Variants in PPM1H observed in about 807,000 individuals in gnomAD.
PPM1H encodes the protein protein phosphatase 1H.
PPM1H carries 27 observed loss-of-function variants against 54.9 expected under a neutral mutation model. The observed-to-expected ratio is 0.49, with a 90% CI of 0.36 to 0.68. PPM1H has a LOEUF of 0.68. PPM1H is among the 30% of genes least tolerant of loss of function. PPM1H has a pLI of 0.00. For synonymous variants in PPM1H, 305 were observed against 270.8 expected, an observed-to-expected ratio of 1.13 and a Z score of -1.24; for missense variants, 596 against 667.8, an observed-to-expected ratio of 0.89 and a Z score of 1.19.
intron 1 of PPM1H, among the ~76,000 whole-genome samples, chr12:62,886,557 A>G (rs1396092210): frequency 2.0e-5 from 3 of 152,228 alleles, no homozygotes; most frequent in Non-Finnish European, 1.5e-5. Flanking sequence ...CTATGAATGC[A>G]TAAGACCTTA....
At chr12:62,654,027 G>T (rs1013863660) in intron 9 of PPM1H, among the ~76,000 whole-genome samples, 1 of 151,868 alleles carries the variant, frequency 6.6e-6, no homozygotes, top group Non-Finnish European at 1.5e-5. Flanking sequence ...GGATTAACTC[G>T]GGCCCAGGAG....
chr12:62,669,061 A>C (rs954437166), intron 8 of PPM1H, among the ~76,000 whole-genome samples: 2 of 152,244 alleles, frequency 1.3e-5, no homozygotes, highest in Admixed American at 6.5e-5. Flanking sequence ...CGCTCAAGGG[A>C]GGAACACTCA....
chr12:62,905,573 A>G (rs1390578457), intron 1 of PPM1H, among the ~76,000 whole-genome samples: 1 of 152,242 alleles, frequency 6.6e-6, no homozygotes, highest in Non-Finnish European at 1.5e-5. Flanking sequence ...TAAATGGAAG[A>G]GTGCTAGGTG....
At chr12:62,693,051 A>G (rs112500283) in intron 7 of PPM1H, among the ~76,000 whole-genome samples, 5 of 152,130 alleles carry the variant, frequency 3.3e-5, no homozygotes, top group African/African-American at 1.2e-4. Flanking sequence ...AAAAATTATC[A>G]GTTGAAGACT....
intron 1 of PPM1H, among the ~76,000 whole-genome samples, chr12:62,849,561 A>G (rs1333482696): frequency 6.6e-6 from 1 of 152,162 alleles, no homozygotes; most frequent in African/African-American, 2.4e-5. Context: ...AGGGTCCACT[A>G]GTATCATACA....
intron 6 of PPM1H, among the ~76,000 whole-genome samples, chr12:62,714,175 G>C (rs1002334400): frequency 1.3e-5 from 2 of 152,084 alleles, no homozygotes; most frequent in Non-Finnish European, 2.9e-5. Flanking sequence ...GCCACATGTG[G>C]CTACTGAGCA....
intron 6 of PPM1H, among the ~76,000 whole-genome samples, chr12:62,705,778 C>A (rs1592553867): frequency 6.6e-6 from 1 of 152,158 alleles, no homozygotes; most frequent in East Asian, 1.9e-4. Flanking sequence ...TCTCAGAGAC[C>A]ATTTATTCTG....
At chr12:62,804,863 G>C (rs2076796993) in intron 2 of PPM1H, among the ~76,000 whole-genome samples, 1 of 151,118 alleles carries the variant, frequency 6.6e-6, no homozygotes, top group African/African-American at 2.4e-5. Flanking sequence ...TTTTAGTAGA[G>C]ACGGGGTTTC....
chr12:62,813,160 T>C lies in PPM1H; in HGVS notation c.412-11000A>G, dbSNP rs117611266. 2.0e-3 allele frequency among the ~76,000 whole-genome samples: 301 copies of C among 152,170 alleles called. 3 individuals carry two copies. Among genetic ancestry groups the C allele is most frequent in the Middle Eastern group, 6.8e-3 (2 of 292 alleles). On this transcript the variant is annotated intron_variant, in intron 2 of 9. Coordinates refer to ENST00000228705, the MANE Select transcript of PPM1H (RefSeq NM_020700.2). ...CGTTTCCTGTGGAGACCAACAGAAA[T>C]ACCCAGATGTAGGAGAGGAAATACA...
chr12:62,892,518 T>C (rs1371502473), intron 1 of PPM1H, among the ~76,000 whole-genome samples: 1 of 152,248 alleles, frequency 6.6e-6, no homozygotes, highest in African/African-American at 2.4e-5. Flanking sequence ...AAAAATTTGC[T>C]TCACTAATCC....
chr12:62,735,983 G>A (rs2076347593), intron 5 of PPM1H, among the ~76,000 whole-genome samples: 1 of 152,164 alleles, frequency 6.6e-6, no homozygotes, highest in South Asian at 2.1e-4. Context: ...GATAGGACTG[G>A]AGATGTGGGC....
At chr12:62,825,996 G>A (rs1868287101) in intron 2 of PPM1H, among the ~76,000 whole-genome samples, 1 of 152,088 alleles carries the variant, frequency 6.6e-6, no homozygotes, top group Admixed American at 6.6e-5. Flanking sequence ...GGGAGAGGCA[G>A]AAAACAGTTA....
At chr12:62,784,234 A>G (rs2076658345) in intron 4 of PPM1H, among the ~76,000 whole-genome samples, 2 of 152,194 alleles carry the variant, frequency 1.3e-5, no homozygotes. Context: ...CACATGGATC[A>G]GGTACTCGCG....
chr12:62,926,539 G>T (rs780375833), intron 1 of PPM1H, among the ~76,000 whole-genome samples: 1 of 152,112 alleles, frequency 6.6e-6, no homozygotes, highest in Non-Finnish European at 1.5e-5. Context: ...AAATGAACAT[G>T]TTAGAAAAAA....
intron 2 of PPM1H, among the ~76,000 whole-genome samples, chr12:62,804,512 T>A (rs1446996211): frequency 6.6e-6 from 1 of 152,068 alleles, no homozygotes; most frequent in Non-Finnish European, 1.5e-5. Context: ...TTTAGAAAAA[T>A]TTCACCCATT....
At chr12:62,717,899 TA>T (rs2076244104) in intron 6 of PPM1H, among the ~76,000 whole-genome samples, 1 of 152,236 alleles carries the variant, frequency 6.6e-6, no homozygotes, top group Non-Finnish European at 1.5e-5. Flanking sequence ...GAATCAATAC[TA>T]AGCATCTGCA....
intron 2 of PPM1H, among the ~76,000 whole-genome samples, chr12:62,826,467 G>A (rs899753987): frequency 3.9e-5 from 6 of 152,048 alleles, no homozygotes; most frequent in Non-Finnish European, 5.9e-5. Flanking sequence ...AAGTCATCTC[G>A]TTGCTACCCG....
intron 1 of PPM1H, among the ~76,000 whole-genome samples, chr12:62,928,302 G>C (rs1872035160): frequency 6.6e-6 from 1 of 152,192 alleles, no homozygotes; most frequent in African/African-American, 2.4e-5. Context: ...AAACTGGAAA[G>C]CTAGTGAAAA....
intron 8 of PPM1H, among the ~76,000 whole-genome samples, chr12:62,678,222 CA>C (rs776958811): frequency 2.6e-5 from 4 of 152,246 alleles, no homozygotes; most frequent in Non-Finnish European, 5.9e-5. Flanking sequence ...GCTAGAATTA[CA>C]GGCATGAGTC....
Sources: allele counts gnomAD v4.1 joint callset (sites outside exome capture counted in the v4.1 genomes callset), GRCh38; gene constraint gnomAD v4.1.1; transcripts MANE v1.5; gene names NCBI Gene and HGNC (gene_info 2026-07-23, HGNC 2026-07-21).